The following KCNIP4 variants were observed in gnomAD, a reference collection of about 807,000 sequenced individuals.
KCNIP4 encodes potassium voltage-gated channel interacting protein 4, also known as Kv channel-interacting protein 4.
Under a neutral mutation model 34.0 loss-of-function variants are expected in KCNIP4, and 12 were observed. That is an observed-to-expected ratio of 0.35 (90% confidence interval 0.23 to 0.57). The LOEUF (loss-of-function observed/expected upper bound fraction) is 0.57. KCNIP4 is among the 20% of genes least tolerant of loss of function. The probability of loss-of-function intolerance (pLI) is 0.83; values close to 1 mark genes in which losing one functional copy is unlikely to be tolerated. For missense variants in KCNIP4, 238 were observed against 311.7 expected (o/e 0.76, Z 1.78); for synonymous variants, 124 against 102.2 (o/e 1.21, Z -1.29).
At chr4:21,148,413 A>T (rs1457214350) in intron 1 of KCNIP4, among the ~76,000 whole-genome samples, 2 of 152,192 alleles carry the variant, frequency 1.3e-5, no homozygotes, top group Non-Finnish European at 2.9e-5. Context: ...TATTTGGGTG[A>T]CTAAATTAAC....
At chr4:21,065,765 T>TATATATATATAA (rs1491302260) in intron 1 of KCNIP4, among the ~76,000 whole-genome samples, 15 of 114,806 alleles carry the variant, frequency 1.3e-4, no homozygotes, top group African/African-American at 4.4e-4. Context: ...TATATATATA[T>TATATATATATAA]AACTCAATTT....
intron 1 of KCNIP4, among the ~76,000 whole-genome samples, chr4:21,860,375 C>T (rs1560768785): frequency 6.6e-6 from 1 of 152,102 alleles, no homozygotes; most frequent in Non-Finnish European, 1.5e-5. Flanking sequence ...CTCAAGTGAT[C>T]CGCCTGCCTC....
intron 1 of KCNIP4, among the ~76,000 whole-genome samples, chr4:21,925,575 A>C (rs2109001293): frequency 6.6e-6 from 1 of 152,026 alleles, no homozygotes; most frequent in South Asian, 2.1e-4. Flanking sequence ...CCAGGGCTGC[A>C]CTCAGGAGAT....
chr4:21,660,793 T>C (rs4697226), intron 1 of KCNIP4, among the ~76,000 whole-genome samples: 117,143 of 152,030 alleles, frequency 0.77, 45,755 homozygotes, highest in East Asian at 0.99. Context: ...GTGATGACAG[T>C]GATACTTGTT....
chr4:21,122,749 C>T (rs538784828), intron 1 of KCNIP4, among the ~76,000 whole-genome samples: 102 of 152,264 alleles, frequency 6.7e-4, no homozygotes, highest in African/African-American at 2.4e-3. Flanking sequence ...AGGGCATACC[C>T]TCTAGTACTT....
intron 2 of KCNIP4, among the ~76,000 whole-genome samples, chr4:20,872,233 T>G (rs1160005380): frequency 2.0e-5 from 3 of 152,150 alleles, no homozygotes; most frequent in Non-Finnish European, 4.4e-5. Flanking sequence ...GGATTGTTTT[T>G]CTCCCCAGCC....
chr4:21,760,913 T>C (rs1414469478), intron 1 of KCNIP4, among the ~76,000 whole-genome samples: 1 of 152,134 alleles, frequency 6.6e-6, no homozygotes, highest in Non-Finnish European at 1.5e-5. Context: ...TAACAGATAT[T>C]CATTCACCAA....
intron 1 of KCNIP4, among the ~76,000 whole-genome samples, chr4:21,714,811 T>C (rs186682025): frequency 0.65 from 2,469 of 3,822 alleles, 668 homozygotes; most frequent in African/African-American, 0.68. Context: ...TTTATTTTAT[T>C]TTATTTTATT....
intron 1 of KCNIP4, among the ~76,000 whole-genome samples, chr4:21,329,136 T>C (rs1332101484): frequency 6.6e-6 from 1 of 152,256 alleles, no homozygotes; most frequent in East Asian, 1.9e-4. Flanking sequence ...CAATAAGTGC[T>C]AAGTCTGTGT....
At chr4:21,349,938 T>A (rs1489435246) in intron 1 of KCNIP4, among the ~76,000 whole-genome samples, 1 of 152,164 alleles carries the variant, frequency 6.6e-6, no homozygotes, top group Non-Finnish European at 1.5e-5. Flanking sequence ...ATTTACGTAA[T>A]GGAGTTTCTC....
In KCNIP4 at chr4:21,292,261, C is replaced by T. The variant is rs146352380; in HGVS notation, c.62-409552G>A. On this transcript the variant is annotated intron_variant, in intron 1 of 8. Transcript: ENST00000382152. ...AAGTCAGTGCCTTAGCCTCATCACA[C>T]ATCTGGAGGACACCATTCCCATACC... Among the ~76,000 whole-genome samples the T allele has an allele frequency of 6.4e-3, 975 of 152,306 alleles. 27 individuals are homozygous for T. Among genetic ancestry groups the T allele is most frequent in the Admixed American group, 0.045 (690 of 15,298 alleles).
intron 3 of KCNIP4, among the ~76,000 whole-genome samples, chr4:20,783,450 G>A (rs1711517147): frequency 6.6e-6 from 1 of 152,206 alleles, no homozygotes; most frequent in African/African-American, 2.4e-5. Context: ...CAGAATCATG[G>A]TGGGAGGTGA....
chr4:21,449,460 G>A (rs1055091201), intron 1 of KCNIP4, among the ~76,000 whole-genome samples: 1 of 152,020 alleles, frequency 6.6e-6, no homozygotes, highest in Non-Finnish European at 1.5e-5. Context: ...CTTTGGAGCT[G>A]ATGATATTGT....
chr4:20,768,286 C>T (rs899274855), intron 3 of KCNIP4, among the ~76,000 whole-genome samples: 1 of 152,040 alleles, frequency 6.6e-6, no homozygotes, highest in African/African-American at 2.4e-5. Flanking sequence ...AAAACTTGGG[C>T]CTACATTTTT....
At chr4:21,635,289 T>G (rs144473475) in intron 1 of KCNIP4, among the ~76,000 whole-genome samples, 1 of 152,198 alleles carries the variant, frequency 6.6e-6, no homozygotes, top group African/African-American at 2.4e-5. Flanking sequence ...ATTAAAGTTC[T>G]GTTTTAAGTG....
chr4:21,588,835 A>G (rs879771350), intron 1 of KCNIP4, among the ~76,000 whole-genome samples: 9 of 151,612 alleles, frequency 5.9e-5, no homozygotes, highest in Non-Finnish European at 1.0e-4. Context: ...AGTATTTGTA[A>G]TTAGTAATAA....
intron 1 of KCNIP4, among the ~76,000 whole-genome samples, chr4:21,448,414 C>T (rs1193265044): frequency 6.6e-6 from 1 of 152,098 alleles, no homozygotes; most frequent in African/African-American, 2.4e-5. Context: ...TGTCAGATAA[C>T]TGAGCTTAAT....
intron 1 of KCNIP4, among the ~76,000 whole-genome samples, chr4:20,895,104 C>G (rs1290471386): frequency 6.6e-6 from 1 of 152,204 alleles, no homozygotes; most frequent in Non-Finnish European, 1.5e-5. Context: ...GACATTCTGA[C>G]TTCTGTACTG....
Position 21,763,212 on chromosome 4 carries a change from C to T in KCNIP4, c.61+185359G>A, listed in dbSNP as rs377209432. On this transcript the variant is annotated intron_variant, in intron 1 of 8. Coordinates refer to ENST00000382152, the MANE Select transcript of KCNIP4 (RefSeq NM_025221.6). ...TCATTTTAAATATAGCTGCAGTCTG[C>T]GTGTCATAAGAAACAAAGCCCACGG... Among the ~76,000 whole-genome samples the T allele has an allele frequency of 3.9e-5, 6 of 152,224 alleles. No individual in the cohort carries two copies. In the East Asian group the frequency reaches 1.2e-3, roughly 29 times the overall value.
Sources: gnomAD v4.1 joint callset for allele counts (sites outside exome capture counted in the v4.1 genomes callset) on GRCh38, gnomAD v4.1.1 for gene constraint, MANE v1.5 for transcripts, NCBI Gene and HGNC (gene_info 2026-07-23, HGNC 2026-07-21) for gene names.